CDYL: variants seen among roughly 807,000 people sequenced by gnomAD.
The protein encoded by CDYL is chromodomain Y-like protein.
In CDYL, 8 loss-of-function variants were observed where a neutral mutation model predicts 47.3. The observed-to-expected ratio is 0.17, with a 90% confidence interval of 0.10 to 0.31. The LOEUF is 0.31. Among genes scored for constraint, CDYL ranks in the 10% least tolerant of loss-of-function variants. The pLI is 1.00. For synonymous variants in CDYL, 266 were observed against 265.0 expected (o/e 1.00, Z -0.04); for missense variants, 471 against 701.4 (o/e 0.67, Z 3.71).
upstream of CDYL, among the ~76,000 whole-genome samples, chr6:4,773,654 G>A (rs1758371342): frequency 6.6e-6 from 1 of 152,116 alleles, no homozygotes; most frequent in Non-Finnish European, 1.5e-5. The surrounding 1 kb of genome is among the most constrained non-coding windows in gnomAD (Gnocchi z 4.6). Context: ...GGAACAAAGT[G>A]GACAATTGAG....
chr6:4,953,357 C>G (rs1458980457), intron 6 of CDYL, among the ~76,000 whole-genome samples: 1 of 151,732 alleles, frequency 6.6e-6, no homozygotes, highest in Non-Finnish European at 1.5e-5. Context: ...GCTGTCCAGC[C>G]TGGGCAACAA....
chr6:4,893,156 C>T (rs1296832330), intron 2 of CDYL, among the ~76,000 whole-genome samples: 1 of 152,234 alleles, frequency 6.6e-6, no homozygotes, highest in Non-Finnish European at 1.5e-5. Flanking sequence ...CTGCTTCCTG[C>T]CTTCTGACAG....
At chr6:4,863,233 A>G (rs1761222875) in intron 1 of CDYL, among the ~76,000 whole-genome samples, 2 of 152,198 alleles carry the variant, frequency 1.3e-5, no homozygotes, top group South Asian at 4.1e-4. Context: ...AAAGGTTGAA[A>G]AAACTACCTG....
chr6:4,856,060 A>C (rs1760998362), intron 1 of CDYL, among the ~76,000 whole-genome samples: 1 of 152,218 alleles, frequency 6.6e-6, no homozygotes, highest in Non-Finnish European at 1.5e-5. Flanking sequence ...ATTCATATAG[A>C]TTATAGAGAT....
chr6:4,864,043 C>T (rs559530887), intron 1 of CDYL, among the ~76,000 whole-genome samples: 5 of 152,254 alleles, frequency 3.3e-5, no homozygotes, highest in South Asian at 4.1e-4. Context: ...AAAGAGAGAT[C>T]GCCTGAGGGT....
chr6:4,844,772 T>TCA (rs1390360155), intron 1 of CDYL, among the ~76,000 whole-genome samples: 4 of 152,186 alleles, frequency 2.6e-5, no homozygotes. Context: ...AGCTTATGAG[T>TCA]TCAGAGCAAC....
At chr6:4,824,168 T>G (rs971582737) in intron 1 of CDYL, among the ~76,000 whole-genome samples, 3 of 152,252 alleles carry the variant, frequency 2.0e-5, no homozygotes, top group Admixed American at 6.5e-5. Flanking sequence ...TTTTGGCTAC[T>G]GTGAATGCTA....
At chr6:4,880,773 A>G (rs1423991594) in intron 1 of CDYL, among the ~76,000 whole-genome samples, 2 of 152,190 alleles carry the variant, frequency 1.3e-5, no homozygotes. Context: ...GCATTTCCCT[A>G]GTGACATATT....
chr6:4,916,672 A>G (rs1581262110), intron 2 of CDYL, among the ~76,000 whole-genome samples: 1 of 152,036 alleles, frequency 6.6e-6, no homozygotes, highest in South Asian at 2.1e-4. Flanking sequence ...CTGACCATTC[A>G]CCTTTATCTG....
At chr6:4,822,835 G>T (rs1478624168) in intron 1 of CDYL, among the ~76,000 whole-genome samples, 1 of 152,212 alleles carries the variant, frequency 6.6e-6, no homozygotes, top group Non-Finnish European at 1.5e-5. Flanking sequence ...TTGTTGTTCA[G>T]ATGTGACCCC....
At chr6:4,755,400 T>G (rs780184567) in intron 3 of CDYL, among the ~76,000 whole-genome samples, 1 of 152,172 alleles carries the variant, frequency 6.6e-6, no homozygotes, top group African/African-American at 2.4e-5. Context: ...TTTCTTCCTC[T>G]TCACACCCCT....
chr6:4,887,646 TA>T (rs1280424595), intron 1 of CDYL, among the ~76,000 whole-genome samples: 3 of 152,174 alleles, frequency 2.0e-5, no homozygotes, highest in Non-Finnish European at 2.9e-5. Context: ...GCAATAATTG[TA>T]CTTCTTCCTT....
At chr6:4,757,702 C>G (rs1031260414) in intron 3 of CDYL, among the ~76,000 whole-genome samples, 2 of 152,104 alleles carry the variant, frequency 1.3e-5, no homozygotes, top group African/African-American at 2.4e-5. Flanking sequence ...TTTCGTATAA[C>G]TTTTGAAGAA....
At chr6:4,747,229 C>G (rs562635705) in intron 3 of CDYL, among the ~76,000 whole-genome samples, 21 of 151,322 alleles carry the variant, frequency 1.4e-4, no homozygotes, top group Non-Finnish European at 2.5e-4. Context: ...ATTGCTTGCA[C>G]CTGGGAGGCA....
intron 3 of CDYL, among the ~76,000 whole-genome samples, chr6:4,758,312 G>A (rs943316817): frequency 1.2e-4 from 18 of 145,992 alleles, no homozygotes; most frequent in African/African-American, 4.4e-4. Context: ...GCACTCCAGC[G>A]TGGGTGACAG....
At chr6:4,792,104 G>T (rs1422513308) in intron 1 of CDYL, among the ~76,000 whole-genome samples, 1 of 150,560 alleles carries the variant, frequency 6.6e-6, no homozygotes, top group Non-Finnish European at 1.5e-5. Flanking sequence ...ATGTTAGCCA[G>T]GATGGTCTCG....
chr6:4,929,554 A>C (rs1757976969), intron 2 of CDYL, among the ~76,000 whole-genome samples: 1 of 149,986 alleles, frequency 6.7e-6, no homozygotes, highest in Admixed American at 6.6e-5. Flanking sequence ...TCTGAGACTC[A>C]AATTACACAT....
At chr6:4,759,492 A>G (rs548318131) in intron 3 of CDYL, among the ~76,000 whole-genome samples, 1 of 152,252 alleles carries the variant, frequency 6.6e-6, no homozygotes, top group Admixed American at 6.5e-5. Flanking sequence ...CTGATTATCT[A>G]TCAGACATTA....
chr6:4,735,112 C>T (rs539212871), intron 3 of CDYL, among the ~76,000 whole-genome samples: 3 of 151,970 alleles, frequency 2.0e-5, no homozygotes, highest in Non-Finnish European at 2.9e-5. Context: ...CATGGAGAAA[C>T]CCCGTCTCTA....
Sources: gnomAD v4.1 joint callset for allele counts (sites outside exome capture counted in the v4.1 genomes callset) on GRCh38, gnomAD v4.1.1 for gene constraint, Gnocchi (gnomAD v3.1) non-coding constraint, MANE v1.5 for transcripts, NCBI Gene and HGNC (gene_info 2026-07-23, HGNC 2026-07-21) for gene names.